Variants in TANC1 observed in about 807,000 individuals in gnomAD.
The protein encoded by TANC1 is protein TANC1.
TANC1 carries 77 observed loss-of-function variants against 149.7 expected under a neutral mutation model. That is an observed-to-expected ratio of 0.51 (90% CI 0.43 to 0.62). The LOEUF (loss-of-function observed/expected upper bound fraction) is 0.62. TANC1 is among the 20% of genes least tolerant of loss of function. The probability of loss-of-function intolerance (pLI) is 0.00; values close to 1 mark genes in which losing one functional copy is unlikely to be tolerated. For missense variants in TANC1, 1,985 were observed against 2,321.8 expected (o/e 0.85, Z 2.98); for synonymous variants, 854 against 925.0 (o/e 0.92, Z 1.39).
chr2:159,044,098 T>C (rs1198580111), intron 2 of TANC1, among the ~76,000 whole-genome samples: 1 of 152,244 alleles, frequency 6.6e-6, no homozygotes, highest in East Asian at 1.9e-4. Flanking sequence ...AACCGTGTGC[T>C]GAGATCTCCC....
chr2:159,148,455 T>C (rs1427292627), intron 5 of TANC1: 1 of 152,284 alleles, frequency 6.6e-6, no homozygotes, highest in Non-Finnish European at 1.5e-5. Flanking sequence ...CCAGCATTGC[T>C]GTGCAGCATT....
intron 4 of TANC1, among the ~76,000 whole-genome samples, chr2:159,130,281 T>C (rs2049945590): frequency 6.6e-6 from 1 of 152,160 alleles, no homozygotes; most frequent in Non-Finnish European, 1.5e-5. Context: ...TTCTGGTTAA[T>C]TTGGGGGGAT....
chr2:159,135,390 G>T (rs1261185257), intron 4 of TANC1, among the ~76,000 whole-genome samples: 1 of 152,256 alleles, frequency 6.6e-6, no homozygotes, highest in Admixed American at 6.5e-5. Flanking sequence ...TCGTGTACAA[G>T]TTTTTGTGTG....
intron 2 of TANC1, among the ~76,000 whole-genome samples, chr2:159,031,805 C>T (rs1037441393): frequency 6.6e-6 from 1 of 152,188 alleles, no homozygotes; most frequent in Non-Finnish European, 1.5e-5. Flanking sequence ...TCACCCTAGC[C>T]TCTGTGGTTC....
intron 4 of TANC1, among the ~76,000 whole-genome samples, chr2:159,104,923 T>C (rs1457351667): frequency 8.1e-6 from 1 of 123,018 alleles, no homozygotes; most frequent in African/African-American, 2.7e-5. Context: ...ATATTTGTTG[T>C]CCATTGTTTC....
At chr2:159,028,248 G>A (rs766012635) in intron 2 of TANC1, among the ~76,000 whole-genome samples, 5 of 152,118 alleles carry the variant, frequency 3.3e-5, no homozygotes, top group Non-Finnish European at 5.9e-5. Context: ...AGCATCCCAA[G>A]TAGCTGGGAT....
chr2:159,162,591 C>CT (rs2054152924), intron 7 of TANC1, among the ~76,000 whole-genome samples: 2 of 152,058 alleles, frequency 1.3e-5, no homozygotes, highest in African/African-American at 4.8e-5. Context: ...TTTTTTGTAC[C>CT]TTTTTTCTGT....
At chr2:159,053,291 G>A (rs978948367) in intron 2 of TANC1, among the ~76,000 whole-genome samples, 2 of 150,864 alleles carry the variant, frequency 1.3e-5, no homozygotes, top group Admixed American at 1.3e-4. Flanking sequence ...AAAAAAAAAA[G>A]AGAAAAAAAT....
intron 19 of TANC1, among the ~76,000 whole-genome samples, chr2:159,201,357 G>A (rs1207381372): frequency 6.6e-6 from 1 of 152,162 alleles, no homozygotes; most frequent in East Asian, 1.9e-4. Context: ...GTCTGTTACC[G>A]ACCCTAAATG....
At chr2:159,168,257 T>C (rs2054810663) in intron 8 of TANC1, among the ~76,000 whole-genome samples, 1 of 152,126 alleles carries the variant, frequency 6.6e-6, no homozygotes, top group African/African-American at 2.4e-5. Flanking sequence ...GCGGTAGTTG[T>C]TTTTGTAATC....
chr2:158,973,425 T>G (rs1023931955), intron 1 of TANC1, among the ~76,000 whole-genome samples: 1 of 152,144 alleles, frequency 6.6e-6, no homozygotes, highest in African/African-American at 2.4e-5. Flanking sequence ...TGTATACCCA[T>G]GCAAAAATGG....
chr2:159,096,475 T>C (rs1182630296), intron 3 of TANC1, among the ~76,000 whole-genome samples: 3 of 152,160 alleles, frequency 2.0e-5, no homozygotes, highest in Non-Finnish European at 2.9e-5. Context: ...TTTAATTATC[T>C]CAGCAAGGCA....
At chr2:159,143,640 T>A (rs1052064975) in intron 5 of TANC1, among the ~76,000 whole-genome samples, 2 of 150,428 alleles carry the variant, frequency 1.3e-5, no homozygotes, top group African/African-American at 4.9e-5. Flanking sequence ...TTTCTATAAT[T>A]AACTAAAAAG....
Position 159,179,104 on chromosome 2 carries a change from C to G in TANC1, c.2451C>G (p.Phe817Leu). ...DKTRMFCHPS[F>L]REWLVWRADG... ...CCCGCATGTTCTGCCACCCGTCCTT[C>G]AGGGAGTGGCTTGTATGGAGAGCAG... is the stretch of plus-strand genomic sequence containing the variant. The change falls in exon 14 of 27, where the codon TTC (phenylalanine) becomes TTG (leucine). Residue 817 changes from phenylalanine to leucine, a missense_variant. Around this residue, in one of 3 missense-constraint regions of TANC1, gnomAD observed 508 missense variants for 714.2 expected, o/e 0.71. Coordinates refer to ENST00000263635, the MANE Select transcript of TANC1 (RefSeq NM_033394.3). 6.2e-7 allele frequency: 1 copy of G among 1,613,790 alleles called. No individual in the cohort carries two copies. Among genetic ancestry groups the G allele is most frequent in the African/African-American group, 1.3e-5 (1 of 74,954 alleles).
At chr2:159,199,723 G>A (rs182017047) in intron 19 of TANC1, among the ~76,000 whole-genome samples, 2 of 152,338 alleles carry the variant, frequency 1.3e-5, no homozygotes, top group East Asian at 1.9e-4. Flanking sequence ...TTAAATAGAT[G>A]TCAGCATGAG....
chr2:159,009,352 G>T (rs754926756), intron 2 of TANC1, among the ~76,000 whole-genome samples: 8 of 152,070 alleles, frequency 5.3e-5, no homozygotes, highest in Non-Finnish European at 8.8e-5. Flanking sequence ...TCAAGATATG[G>T]AATCAACTTA....
At chr2:159,004,262 T>C (rs2036920791) in intron 2 of TANC1, 1 of 1,612,032 alleles carries the variant, frequency 6.2e-7, no homozygotes, top group African/African-American at 1.3e-5. Context: ...ATGAGGAAGA[T>C]GATGATGTTC....
At chr2:159,152,388 T>C (rs570630321) in intron 7 of TANC1, among the ~76,000 whole-genome samples, 5 of 152,150 alleles carry the variant, frequency 3.3e-5, no homozygotes, top group Non-Finnish European at 5.9e-5. Context: ...ATGTGGCCAG[T>C]GCAGCACTGT....
chr2:159,162,808 G>A (rs2054173921), intron 7 of TANC1, among the ~76,000 whole-genome samples: 1 of 151,948 alleles, frequency 6.6e-6, no homozygotes, highest in Admixed American at 6.6e-5. Flanking sequence ...TTGTATTTTT[G>A]TTTCTAAAGA....
Sources: allele counts gnomAD v4.1 joint callset (sites outside exome capture counted in the v4.1 genomes callset), GRCh38; gene constraint gnomAD v4.1.1; regional missense constraint gnomAD v4.1.1; transcripts MANE v1.5; gene names NCBI Gene and HGNC (gene_info 2026-07-23, HGNC 2026-07-21).